CADPS2: variants seen among roughly 807,000 people sequenced by gnomAD.
The protein encoded by CADPS2 is calcium dependent secretion activator 2, also known as calcium-dependent secretion activator 2.
In CADPS2, 93 loss-of-function variants were observed where a neutral mutation model predicts 172.5. The ratio of observed to expected loss-of-function variants is 0.54; its 90% CI spans 0.46 to 0.64. CADPS2 has a LOEUF of 0.64. CADPS2 is among the 30% of genes least tolerant of loss of function. The pLI is 0.00. For synonymous variants in CADPS2, 546 were observed against 555.2 expected, an observed-to-expected ratio of 0.98 and a Z score of 0.23; for missense variants, 1,420 against 1,565.9, an observed-to-expected ratio of 0.91 and a Z score of 1.57.
chr7:122,508,158 G>A (rs1289370500), intron 9 of CADPS2, among the ~76,000 whole-genome samples: 2 of 151,884 alleles, frequency 1.3e-5, no homozygotes, highest in Non-Finnish European at 2.9e-5. Context: ...GTTTTGAAAT[G>A]GAGTCTTGTA....
chr7:122,885,481 A>C (rs1824087887), intron 1 of CADPS2, among the ~76,000 whole-genome samples: 1 of 152,150 alleles, frequency 6.6e-6, no homozygotes, highest in African/African-American at 2.4e-5. Flanking sequence ...GTATTAATTT[A>C]ACTTTTTTAT....
intron 22 of CADPS2, among the ~76,000 whole-genome samples, chr7:122,391,046 ATTC>A (rs1222461935): frequency 6.6e-6 from 1 of 152,126 alleles, no homozygotes; most frequent in African/African-American, 2.4e-5. Context: ...TTGCTTTTAT[ATTC>A]TTCTTATTTA....
intron 9 of CADPS2, 84 bp downstream of exon 9, chr7:122,513,165 A>G (rs1183516675): frequency 1.1e-6 from 1 of 877,396 alleles, no homozygotes; most frequent in Non-Finnish European, 1.8e-6. Context: ...CTAAAACAGT[A>G]AATTTTGATA....
At chr7:122,386,150 A>G (rs1371527472) in intron 24 of CADPS2, 3 of 473,892 alleles carry the variant, frequency 6.3e-6, no homozygotes, top group Non-Finnish European at 1.1e-5. Context: ...GTAAGCTGTT[A>G]GCCTTATATA....
chr7:122,523,526 C>T (rs1238188540), intron 8 of CADPS2, among the ~76,000 whole-genome samples: 7 of 151,844 alleles, frequency 4.6e-5, no homozygotes, highest in African/African-American at 9.7e-5. Flanking sequence ...GATATTTATA[C>T]GACTGTATAA....
intron 2 of CADPS2, among the ~76,000 whole-genome samples, chr7:122,679,475 G>A (rs1450348488): frequency 6.6e-6 from 1 of 152,128 alleles, no homozygotes; most frequent in Non-Finnish European, 1.5e-5. Context: ...GCAGGACGTG[G>A]ACGTTCATTA....
At chr7:122,341,133 G>T (rs984530817) in intron 28 of CADPS2, among the ~76,000 whole-genome samples, 3 of 152,156 alleles carry the variant, frequency 2.0e-5, no homozygotes, top group African/African-American at 4.8e-5. Context: ...TATACATATT[G>T]CAACTTTTTA....
chr7:122,727,067 C>T (rs974069007), intron 2 of CADPS2, among the ~76,000 whole-genome samples: 7 of 151,924 alleles, frequency 4.6e-5, no homozygotes, highest in Non-Finnish European at 8.8e-5. Context: ...GGCATTTTTC[C>T]CTCATGAAAG....
chr7:122,497,726 T>C (rs1009308172), intron 9 of CADPS2, among the ~76,000 whole-genome samples: 27 of 152,352 alleles, frequency 1.8e-4, no homozygotes, highest in African/African-American at 6.0e-4. Context: ...TCGCACTCTG[T>C]CATTCTGTGT....
Position 122,806,906 on chromosome 7 carries a change from G to C in CADPS2, c.340-69838C>G, listed in dbSNP as rs1034394269. On this transcript the variant is annotated intron_variant, in intron 1 of 29. Transcript: ENST00000449022. The stretch of plus-strand genomic sequence containing the variant: ...CTATGGGACAGGGGAGAATACATGT[G>C]ACAACTATCAATCTATTGCCTCTTA... Among the ~76,000 whole-genome samples the C allele has an allele frequency of 3.3e-5, 5 of 152,294 alleles. No homozygotes were observed. The South Asian group carries it at 6.2e-4, about 19-fold the overall frequency.
intron 3 of CADPS2, among the ~76,000 whole-genome samples, chr7:122,657,748 T>C (rs1008453691): frequency 5.5e-4 from 83 of 152,214 alleles, no homozygotes; most frequent in Non-Finnish European, 1.9e-4. Flanking sequence ...AATCATGTCA[T>C]CTGCAAACAG....
intron 17 of CADPS2, among the ~76,000 whole-genome samples, chr7:122,432,527 G>A (rs2050070164): frequency 6.6e-6 from 1 of 151,536 alleles, no homozygotes; most frequent in Non-Finnish European, 1.5e-5. Context: ...TGTAATCCCA[G>A]CTACTTGTAA....
intron 20 of CADPS2, among the ~76,000 whole-genome samples, chr7:122,401,314 GTTAA>G (rs1033198831): frequency 6.6e-6 from 1 of 152,206 alleles, no homozygotes; most frequent in Admixed American, 6.5e-5. Flanking sequence ...TGAAAAGGCT[GTTAA>G]TTAAAGAAGC....
At chr7:122,828,860 G>C (rs1157398758) in intron 1 of CADPS2, among the ~76,000 whole-genome samples, 1 of 152,158 alleles carries the variant, frequency 6.6e-6, no homozygotes, top group Non-Finnish European at 1.5e-5. Context: ...CATGGGTCAA[G>C]AAATGCTAGG....
At chr7:122,332,549 T>C (rs1370099874) in intron 28 of CADPS2, among the ~76,000 whole-genome samples, 1 of 152,144 alleles carries the variant, frequency 6.6e-6, no homozygotes, top group South Asian at 2.1e-4. Flanking sequence ...GAATGAAAAG[T>C]GTAAAAAGTG....
chr7:122,867,421 A>G (rs1276918154), intron 1 of CADPS2, among the ~76,000 whole-genome samples: 1 of 152,170 alleles, frequency 6.6e-6, no homozygotes, highest in African/African-American at 2.4e-5. Context: ...AAGCTGAGAT[A>G]TACTTGCACA....
chr7:122,667,214 T>C (rs74522435), intron 2 of CADPS2, among the ~76,000 whole-genome samples: 6,094 of 152,316 alleles, frequency 0.04, 180 homozygotes, highest in Non-Finnish European at 0.058. Context: ...TTGAGAAATT[T>C]AGTAATGTAT....
intron 2 of CADPS2, among the ~76,000 whole-genome samples, chr7:122,717,977 A>ATTT (rs36154725): frequency 9.2e-5 from 8 of 87,220 alleles, no homozygotes; most frequent in African/African-American, 3.0e-4. Context: ...CACTCGGCTA[A>ATTT]TTTTTTTTTT....
At chr7:122,527,902 G>C (rs1167424858) in intron 8 of CADPS2, among the ~76,000 whole-genome samples, 1 of 152,080 alleles carries the variant, frequency 6.6e-6, no homozygotes, top group African/African-American at 2.4e-5. Context: ...AATAATGAGA[G>C]AGACAGACAA....
Sources: gnomAD v4.1 joint callset for allele counts (sites outside exome capture counted in the v4.1 genomes callset) on GRCh38, gnomAD v4.1.1 for gene constraint, MANE v1.5 for transcripts, NCBI Gene and HGNC (gene_info 2026-07-23, HGNC 2026-07-21) for gene names.